SLCO5A1: variants seen among roughly 807,000 people sequenced by gnomAD.
The protein encoded by SLCO5A1 is solute carrier organic anion transporter family member 5A1.
Under a neutral mutation model 65.1 loss-of-function variants are expected in SLCO5A1, and 39 were observed. The ratio of observed to expected loss-of-function variants is 0.60; its 90% CI spans 0.46 to 0.78. The LOEUF is 0.78. SLCO5A1 is among the 30% of genes least tolerant of loss of function. SLCO5A1 has a pLI of 0.00. For synonymous variants in SLCO5A1, 438 were observed against 415.7 expected (o/e 1.05, Z -0.65); for missense variants, 1,029 against 1,069.4 (o/e 0.96, Z 0.53).
At chr8:69,777,979 G>GT (rs1388455411) in intron 2 of SLCO5A1, among the ~76,000 whole-genome samples, 1 of 152,160 alleles carries the variant, frequency 6.6e-6, no homozygotes, top group Non-Finnish European at 1.5e-5. Context: ...AAGATATTTT[G>GT]AGAGAGAGAC....
At chr8:69,787,688 C>G (rs953739812) in intron 2 of SLCO5A1, among the ~76,000 whole-genome samples, 2 of 152,168 alleles carry the variant, frequency 1.3e-5, no homozygotes, top group African/African-American at 4.8e-5. Flanking sequence ...TCAGGTTAGG[C>G]TTTGCCATCA....
Position 69,673,076 on chromosome 8 carries a change from C to G in SLCO5A1, c.2340G>C (p.Val780=). 1 of 1,614,256 alleles carries G rather than the reference C, an allele frequency of 6.2e-7. No homozygotes were observed. The highest frequency in any genetic ancestry group is 8.5e-7 in the Non-Finnish European group (1 of 1,180,054). The change falls in exon 10 of 10, where the codon GTG becomes GTC. Residue 780 remains valine, a synonymous_variant. Coordinates refer to ENST00000260126, the MANE Select transcript of SLCO5A1 (RefSeq NM_030958.3). The stretch of plus-strand genomic sequence containing the variant: ...TGTCGGGGTGTCCCACTCTCTCACT[C>G]ACGGTGCTCAGGGGAAATTCTCTCT... The part of the protein sequence containing the change: ...RRQREFPLST[V]SERVGHPDNA...
At chr8:69,806,396 A>G (rs926083644) in intron 2 of SLCO5A1, among the ~76,000 whole-genome samples, 9 of 152,264 alleles carry the variant, frequency 5.9e-5, no homozygotes, top group Admixed American at 2.6e-4. Context: ...AGTTCCAACA[A>G]GGCAGTCCTG....
chr8:69,689,610 G>T (rs1189128277), intron 6 of SLCO5A1, among the ~76,000 whole-genome samples: 44 of 137,366 alleles, frequency 3.2e-4, no homozygotes, highest in African/African-American at 1.1e-3. Context: ...TTTCCCCATT[G>T]CTTGTTTTTG....
At chr8:69,807,928 C>A (rs1027107436) in intron 2 of SLCO5A1, among the ~76,000 whole-genome samples, 1 of 152,162 alleles carries the variant, frequency 6.6e-6, no homozygotes, top group Non-Finnish European at 1.5e-5. Flanking sequence ...TGGTCTCGAT[C>A]TCCTGACCTG....
chr8:69,717,201 G>A (rs911729168), intron 5 of SLCO5A1, among the ~76,000 whole-genome samples: 1 of 152,164 alleles, frequency 6.6e-6, no homozygotes, highest in Non-Finnish European at 1.5e-5. Context: ...TTATGCCTAT[G>A]TTTATTTCTG....
At chr8:69,815,327 C>T (rs912400913) in intron 2 of SLCO5A1, among the ~76,000 whole-genome samples, 5 of 152,158 alleles carry the variant, frequency 3.3e-5, no homozygotes, top group African/African-American at 1.2e-4. Context: ...TAGTACAATG[C>T]CTGGCATATT....
chr8:69,682,414 T>G, intron 6 of SLCO5A1, 71 bp from the exon 7 acceptor site: 1 of 1,366,060 alleles, frequency 7.3e-7, no homozygotes, highest in Non-Finnish European at 9.6e-7. Context: ...GTCTTGAAAT[T>G]AATAATTTGT....
intron 5 of SLCO5A1, among the ~76,000 whole-genome samples, chr8:69,716,178 T>C (rs543743576): frequency 6.6e-6 from 1 of 152,350 alleles, no homozygotes; most frequent in South Asian, 2.1e-4. Flanking sequence ...CCAAATAACA[T>C]TTCATTGCAT....
At chr8:69,762,668 T>C (rs1817853301) in intron 2 of SLCO5A1, among the ~76,000 whole-genome samples, 1 of 152,196 alleles carries the variant, frequency 6.6e-6, no homozygotes, top group African/African-American at 2.4e-5. Flanking sequence ...TAGAAGATTC[T>C]AGCACGATGA....
chr8:69,783,812 G>T (rs996157841), intron 2 of SLCO5A1, among the ~76,000 whole-genome samples: 8 of 152,172 alleles, frequency 5.3e-5, no homozygotes, highest in Admixed American at 4.6e-4. Context: ...AGAATGAAAT[G>T]ATAATTGCGG....
chr8:69,752,505 A>T (rs1008240922), intron 4 of SLCO5A1, among the ~76,000 whole-genome samples: 2 of 152,136 alleles, frequency 1.3e-5, no homozygotes, highest in South Asian at 2.1e-4. Flanking sequence ...GGAAAATTAT[A>T]TTAAATATGA....
At position 69,671,872 on chromosome 8, in the gene SLCO5A1, C is replaced by A. The variant is rs913791939; in HGVS notation, c.*997G>T. ...TATGCATTTTCAGGAGCAACCACAG[C>A]AATTTTCTGTCCAGAAAAAAAGAAA... On this transcript the variant is annotated 3_prime_UTR_variant, in exon 10 of 10. Transcript: ENST00000260126. 2 of 152,116 alleles carry A rather than the reference C, an allele frequency of 1.3e-5. No individual in the cohort carries two copies. Among genetic ancestry groups the A allele is most frequent in the Non-Finnish European group, 2.9e-5 (2 of 68,030 alleles). The allele number at this position is 152,116 out of a possible 1,614,324, so 9.4% of individuals were successfully genotyped here.
chr8:69,822,812 G>C (rs1258653288), intron 2 of SLCO5A1, among the ~76,000 whole-genome samples: 2 of 152,226 alleles, frequency 1.3e-5, no homozygotes, highest in Admixed American at 6.5e-5. Flanking sequence ...ATGACCAGTT[G>C]TTGGTAGAGT....
At chr8:69,833,621 A>G (rs1303633509) in intron 1 of SLCO5A1, 2 of 152,234 alleles carry the variant, frequency 1.3e-5, no homozygotes, top group Admixed American at 1.3e-4. Context: ...CAATTTTTCT[A>G]AAAGGAAAAA....
intron 2 of SLCO5A1, among the ~76,000 whole-genome samples, chr8:69,816,056 T>G (rs1297183999): frequency 6.6e-6 from 1 of 152,208 alleles, no homozygotes; most frequent in African/African-American, 2.4e-5. Flanking sequence ...TCTGATTCTA[T>G]GATCTAGAGA....
chr8:69,819,681 G>A (rs1427794508), intron 2 of SLCO5A1, among the ~76,000 whole-genome samples: 3 of 152,174 alleles, frequency 2.0e-5, no homozygotes. Context: ...ACAGTTCTGG[G>A]CCAGGCGCAG....
chr8:69,764,266 A>C (rs1817950193), intron 2 of SLCO5A1, among the ~76,000 whole-genome samples: 1 of 152,266 alleles, frequency 6.6e-6, no homozygotes, highest in Non-Finnish European at 1.5e-5. Flanking sequence ...ACCACTGAGT[A>C]AATAAGGAAG....
At chr8:69,826,559 T>G (rs1297537646) in intron 2 of SLCO5A1, among the ~76,000 whole-genome samples, 8 of 151,898 alleles carry the variant, frequency 5.3e-5, no homozygotes, top group Non-Finnish European at 1.0e-4. Context: ...ATCAGAGAAA[T>G]GCAAATCAAA....
Sources: gnomAD v4.1 joint callset for allele counts (sites outside exome capture counted in the v4.1 genomes callset) on GRCh38, gnomAD v4.1.1 for gene constraint, MANE v1.5 for transcripts, NCBI Gene and HGNC (gene_info 2026-07-23, HGNC 2026-07-21) for gene names.